UGT1A3: variants seen among roughly 807,000 people sequenced by gnomAD.
UGT1A3 encodes UDP glucuronosyltransferase family 1 member A3.
A neutral mutation model predicts 41.0 loss-of-function variants in UGT1A3; 31 were observed. The observed-to-expected ratio is 0.76, with a 90% CI of 0.57 to 1.02. UGT1A3 has a LOEUF of 1.02. Among genes scored for constraint, UGT1A3 ranks in the 50% least tolerant of loss-of-function variants. The pLI, the probability that UGT1A3 is intolerant of heterozygous loss-of-function variation, is 0.00. For synonymous variants in UGT1A3, 262 were observed against 257.6 expected, an observed-to-expected ratio of 1.02 and a Z score of -0.17; for missense variants, 737 against 671.0, an observed-to-expected ratio of 1.10 and a Z score of -1.09.
At chr2:233,740,251 C>G (rs922661439) in intron 1 of UGT1A3, among the ~76,000 whole-genome samples, 2 of 151,726 alleles carry the variant, frequency 1.3e-5, no homozygotes, top group African/African-American at 4.9e-5. Flanking sequence ...TAGACTAATA[C>G]AAGATTGGTG....
chr2:233,761,232 A>G, intron 1 of UGT1A3: 1 of 1,613,036 alleles, frequency 6.2e-7, no homozygotes, highest in Non-Finnish European at 8.5e-7. Flanking sequence ...CCCCAGATAT[A>G]TGCTGAGCAA....
rs2077859052 is a variant in UGT1A3, at chr2:233,729,440, A to G, written c.314A>G (p.His105Arg). 2 of 1,613,960 alleles carry G rather than the reference A, an allele frequency of 1.2e-6. No homozygotes were observed. The highest frequency in any genetic ancestry group is 1.7e-6 in the Non-Finnish European group (2 of 1,179,916). The change falls in exon 1 of 5, where the codon CAT becomes CGT. Residue 105 changes from histidine (H) to arginine (R), a missense_variant. His to Arg is a conservative substitution (Grantham distance 29, BLOSUM62 0). Coordinates refer to ENST00000482026, the MANE Select transcript of UGT1A3 (RefSeq NM_019093.4). ...GHTQLYFETE[H>R]FLKKFFRSMA... ...ACTCAACTGTACTTTGAAACAGAACATTTTCTGAAGAAATTTTTCAGAAGT... is the reference window on the plus strand; with the variant it reads ...ACTCAACTGTACTTTGAAACAGAACGTTTTCTGAAGAAATTTTTCAGAAGT...
chr2:233,733,404 C>T (rs2078393693), intron 1 of UGT1A3, among the ~76,000 whole-genome samples: 1 of 152,148 alleles, frequency 6.6e-6, no homozygotes, highest in African/African-American at 2.4e-5. Flanking sequence ...AAAGGGAATG[C>T]TTCCAGTTTT....
At chr2:233,747,470 G>C in intron 1 of UGT1A3, 4 of 1,608,766 alleles carry the variant, frequency 2.5e-6, no homozygotes, top group Non-Finnish European at 3.4e-6. Context: ...CATGGACCCA[G>C]GATGAATTTG....
chr2:233,738,751 A>G (rs1205771191), intron 1 of UGT1A3, among the ~76,000 whole-genome samples: 1 of 152,150 alleles, frequency 6.6e-6, no homozygotes, highest in Non-Finnish European at 1.5e-5. Context: ...ATGTGGTAGA[A>G]AAGAAAAACC....
chr2:233,737,584 A>G (rs552596961), intron 1 of UGT1A3, among the ~76,000 whole-genome samples: 5 of 152,256 alleles, frequency 3.3e-5, no homozygotes, highest in South Asian at 4.2e-4. Context: ...ACCAGTCCCA[A>G]TGAGATGAAC....
At position 233,729,676 on chromosome 2, in the gene UGT1A3, G is replaced by A; in HGVS notation, c.550G>A (p.Gly184Ser). The A allele has an allele frequency of 6.2e-7, 1 of 1,613,778 alleles. No homozygotes were observed. Among genetic ancestry groups the A allele is most frequent in the African/African-American group, 1.3e-5 (1 of 74,964 alleles). The stretch of plus-strand genomic sequence containing the variant: ...CATTCCATGTGATTTAGACTTTAAG[G>A]GCACACAGTGTCCAAACCCTTCCTC... ...RNIPCDLDFKGTQCPNPSSYI... is the reference protein window; with the variant it reads ...RNIPCDLDFKSTQCPNPSSYI... The change falls in exon 1 of 5, where the codon GGC (glycine) becomes AGC (serine). Residue 184 changes from glycine to serine, a missense_variant. By Grantham distance (56) the Gly-to-Ser change is moderately conservative. Transcript: ENST00000482026.
chr2:233,767,688 C>T (rs1214650284), intron 2 of UGT1A3, among the ~76,000 whole-genome samples, 161 bp from the exon 3 acceptor site: 2 of 152,144 alleles, frequency 1.3e-5, no homozygotes, highest in Non-Finnish European at 2.9e-5. Context: ...AACAAGATGC[C>T]GGAAGTTGCC....
At chr2:233,765,064 G>A (rs1050662538) in intron 1 of UGT1A3, among the ~76,000 whole-genome samples, 2 of 152,202 alleles carry the variant, frequency 1.3e-5, no homozygotes, top group Admixed American at 1.3e-4. Flanking sequence ...CCTGTCAGAG[G>A]TCTCCTGTGT....
At chr2:233,760,846 C>G (rs760019185) in intron 1 of UGT1A3, 2 of 1,613,970 alleles carry the variant, frequency 1.2e-6, no homozygotes, top group South Asian at 2.2e-5. Context: ...TACCCAGTGC[C>G]CCAACCCATT....
intron 1 of UGT1A3, among the ~76,000 whole-genome samples, chr2:233,761,451 T>A (rs1697772637): frequency 6.6e-6 from 1 of 152,220 alleles, no homozygotes; most frequent in South Asian, 2.1e-4. Context: ...ATGCTGGGTT[T>A]GGGGCACCCT....
chr2:233,768,258 T>C lies in UGT1A3; in HGVS notation c.1126T>C (p.Ser376Pro). 1 of 1,614,230 alleles carries C rather than the reference T, an allele frequency of 6.2e-7. No homozygotes were observed. The highest frequency in any genetic ancestry group is 8.5e-7 in the Non-Finnish European group (1 of 1,180,044). Residue 376 changes from serine (S) to proline (P), a missense_variant, in exon 4 of 5, where the codon TCC becomes CCC. By Grantham distance (74) the Ser-to-Pro change is moderately conservative. Coordinates refer to ENST00000482026, the MANE Select transcript of UGT1A3 (RefSeq NM_019093.4). ...MTRAFITHAG[S>P]HGVYESICNG... Reference sequence around the variant, plus strand: ...CCGTGCCTTTATCACCCATGCTGGTTCCCATGGTGTTTATGAAAGCATATG... The same window carrying C: ...CCGTGCCTTTATCACCCATGCTGGTCCCCATGGTGTTTATGAAAGCATATG...
intron 1 of UGT1A3, among the ~76,000 whole-genome samples, chr2:233,731,393 G>C (rs558248956): frequency 2.0e-5 from 3 of 151,372 alleles, no homozygotes; most frequent in Admixed American, 1.3e-4. Flanking sequence ...CCACCAACTC[G>C]TCATTTACAT....
At chr2:233,755,259 T>C in intron 1 of UGT1A3, 1 of 802,542 alleles carries the variant, frequency 1.2e-6, no homozygotes, top group African/African-American at 1.7e-5. Context: ...CACCTCGTAG[T>C]AGTCCACTAT....
At chr2:233,767,649 T>C (rs965947156) in intron 2 of UGT1A3, among the ~76,000 whole-genome samples, 200 bp from the exon 3 acceptor site, 2 of 152,184 alleles carry the variant, frequency 1.3e-5, no homozygotes, top group African/African-American at 4.8e-5. Context: ...ATTCACGTAG[T>C]GCATACACCC....
At chr2:233,755,200 G>T in intron 1 of UGT1A3, 1 of 1,105,696 alleles carries the variant, frequency 9.0e-7, no homozygotes, top group Non-Finnish European at 1.3e-6. Context: ...GCCAGCTTGC[G>T]GTACGCCTTC....
chr2:233,735,011 C>T (rs554046277), intron 1 of UGT1A3, among the ~76,000 whole-genome samples: 7 of 152,192 alleles, frequency 4.6e-5, no homozygotes, highest in Non-Finnish European at 1.0e-4. Flanking sequence ...GTGGAGAGTT[C>T]TGTAGATGTC....
chr2:233,768,302 G>A lies in UGT1A3; in HGVS notation c.1170G>A (p.Val390=). The change falls in exon 4 of 5, where the codon GTG becomes GTA. Residue 390 remains valine, a synonymous_variant. Coordinates refer to ENST00000482026, the MANE Select transcript of UGT1A3 (RefSeq NM_019093.4). Reference sequence around the variant, plus strand: ...GCATATGCAATGGCGTTCCCATGGTGATGATGCCCTTGTTTGGTGATCAGA... The same window carrying A: ...GCATATGCAATGGCGTTCCCATGGTAATGATGCCCTTGTTTGGTGATCAGA... ...YESICNGVPM[V]MMPLFGDQMD... is the part of the protein sequence containing the mutation. 1 of 1,614,228 alleles carries A rather than the reference G, an allele frequency of 6.2e-7. No homozygotes were observed. Among genetic ancestry groups the A allele is most frequent in the Non-Finnish European group, 8.5e-7 (1 of 1,180,048 alleles).
At chr2:233,745,794 G>T (rs1343106553) in intron 1 of UGT1A3, among the ~76,000 whole-genome samples, 1 of 150,980 alleles carries the variant, frequency 6.6e-6, no homozygotes, top group Non-Finnish European at 1.5e-5. Context: ...GGGGGCTGGG[G>T]TCTATCCCAG....
Sources: gnomAD v4.1 joint callset for allele counts (sites outside exome capture counted in the v4.1 genomes callset) on GRCh38, gnomAD v4.1.1 for gene constraint, MANE v1.5 for transcripts, NCBI Gene and HGNC (gene_info 2026-07-23, HGNC 2026-07-21) for gene names.